Variants in GPD2 observed in about 807,000 individuals in gnomAD.
GPD2 encodes the protein glycerol-3-phosphate dehydrogenase 2, also known as glycerol-3-phosphate dehydrogenase, mitochondrial.
A neutral mutation model predicts 82.4 loss-of-function variants in GPD2; 54 were observed. The observed-to-expected ratio is 0.66, with a 90% CI of 0.53 to 0.82. The LOEUF (loss-of-function observed/expected upper bound fraction) is 0.82. Ranked by LOEUF, GPD2 falls within the 40% of genes least tolerant of loss-of-function variation. The pLI is 0.00. For missense variants in GPD2, 748 were observed against 896.2 expected, an observed-to-expected ratio of 0.83 and a Z score of 2.11; for synonymous variants, 288 against 306.1, an observed-to-expected ratio of 0.94 and a Z score of 0.62.
the GPD2 span, among the ~76,000 whole-genome samples, chr2:156,407,944 A>AT: frequency 0.049 from 2,795 of 56,536 alleles, 494 homozygotes; most frequent in East Asian, 0.08. Context: ...CCATGCTGTA[A>AT]TTTTTTTTTT....
At chr2:156,477,604 A>G (rs1683558535) in intron 2 of GPD2, among the ~76,000 whole-genome samples, 1 of 152,168 alleles carries the variant, frequency 6.6e-6, no homozygotes. Flanking sequence ...CTTTTTCTGC[A>G]TTCTGAACTG....
intron 1 of GPD2, among the ~76,000 whole-genome samples, chr2:156,460,062 A>C (rs1488824366): frequency 6.6e-6 from 1 of 152,226 alleles, no homozygotes; most frequent in African/African-American, 2.4e-5. Context: ...ACAGAGGCTC[A>C]AACTATGGCC....
At chr2:156,580,886 C>A (rs753131601) in intron 16 of GPD2, among the ~76,000 whole-genome samples, 1 of 152,124 alleles carries the variant, frequency 6.6e-6, no homozygotes, top group Non-Finnish European at 1.5e-5. Flanking sequence ...GGAATTAAAA[C>A]ACCATTTAAT....
intron 1 of GPD2, among the ~76,000 whole-genome samples, chr2:156,439,513 GAA>G (rs1187242848): frequency 9.5e-5 from 3 of 31,622 alleles, no homozygotes; most frequent in East Asian, 1.2e-3. Flanking sequence ...GACTGTCTCA[GAA>G]AAAAAAAAAA....
intron 3 of GPD2, among the ~76,000 whole-genome samples, chr2:156,505,763 C>A (rs1380610865): frequency 6.6e-6 from 1 of 152,280 alleles, no homozygotes; most frequent in Non-Finnish European, 1.5e-5. Context: ...TACCTAAGAA[C>A]ACAAAATGCT....
intron 6 of GPD2, among the ~76,000 whole-genome samples, chr2:156,520,433 A>G (rs114222219): frequency 0.012 from 1,837 of 152,266 alleles, 41 homozygotes; most frequent in African/African-American, 0.042. Context: ...TTCCCTAGAA[A>G]TAACTGCTAT....
chr2:156,439,742 A>T (rs1325064233), intron 1 of GPD2, among the ~76,000 whole-genome samples: 1 of 151,374 alleles, frequency 6.6e-6, no homozygotes, highest in African/African-American at 2.4e-5. Flanking sequence ...AGCTACTAGG[A>T]AGGCTGAGGC....
intron 6 of GPD2, among the ~76,000 whole-genome samples, chr2:156,518,293 A>G (rs1685271569): frequency 6.6e-6 from 1 of 152,186 alleles, no homozygotes; most frequent in Non-Finnish European, 1.5e-5. Context: ...GGAGGTAAAA[A>G]TGCACTGAAG....
chr2:156,582,857 C>G lies in GPD2; in HGVS notation c.2123C>G (p.Ala708Gly). ...CGGCTTGCTATACTAATGAAAACTG[C>G]AGAAGAGAACCTCGACAGAAGAGTT... Reference protein sequence around the residue: ...GSRLAILMKTAEENLDRRVPI... With the variant: ...GSRLAILMKTGEENLDRRVPI... Residue 708 changes from alanine (A) to glycine (G), a missense_variant, in exon 17 of 17, where the codon GCA (alanine) becomes GGA (glycine). By Grantham distance (60) the Ala-to-Gly change is moderately conservative (BLOSUM62 0). This residue lies in a region of GPD2 where 46 missense variants were observed against 49.1 expected (regional missense o/e 0.94). Transcript: ENST00000438166. The G allele has an allele frequency of 6.2e-7, 1 of 1,612,828 alleles. No homozygotes were observed. Among genetic ancestry groups the G allele is most frequent in the Non-Finnish European group, 8.5e-7 (1 of 1,179,002 alleles).
Position 156,496,229 on chromosome 2 carries a change from T to C in GPD2, c.274+14T>C, listed in dbSNP as rs932085569. 108 of 1,584,674 alleles carry C rather than the reference T, an allele frequency of 6.8e-5. No homozygotes were observed. The East Asian group carries it at 2.2e-3, about 32-fold the overall frequency. Reference sequence around the variant, plus strand: ...CTGTCACCAGAGGTAAGTCTTTTTTTTTTTTATTTTAATTTTAAGTTCTGG... The same window carrying C: ...CTGTCACCAGAGGTAAGTCTTTTTTCTTTTTATTTTAATTTTAAGTTCTGG... On this transcript the variant is annotated intron_variant, in intron 3 of 16. Coordinates refer to ENST00000438166, the MANE Select transcript of GPD2 (RefSeq NM_000408.5).
intron 5 of GPD2, 129 bp downstream of exon 5, chr2:156,512,446 T>C (rs1264659597): frequency 1.4e-6 from 1 of 701,414 alleles, no homozygotes; most frequent in African/African-American, 1.8e-5. Flanking sequence ...TTTAATCCTT[T>C]TGAAGTATTT....
intron 1 of GPD2, among the ~76,000 whole-genome samples, chr2:156,460,539 C>G (rs930505657): frequency 3.3e-5 from 5 of 152,168 alleles, no homozygotes; most frequent in African/African-American, 9.7e-5. Context: ...CTCTTAACTT[C>G]CTGGCCTGTA....
chr2:156,403,875 G>A, the GPD2 span, among the ~76,000 whole-genome samples: 3 of 152,166 alleles, frequency 2.0e-5, no homozygotes, highest in Non-Finnish European at 4.4e-5. Context: ...AGTCCTTGCC[G>A]AAACTCTCTT....
chr2:156,534,208 C>T (rs1170576325), intron 6 of GPD2, among the ~76,000 whole-genome samples: 2 of 152,026 alleles, frequency 1.3e-5, no homozygotes, highest in African/African-American at 2.4e-5. Flanking sequence ...TGACCATCCA[C>T]AGCCAAACTC....
intron 6 of GPD2, among the ~76,000 whole-genome samples, chr2:156,544,918 G>A (rs973352088): frequency 1.3e-4 from 20 of 152,172 alleles, no homozygotes; most frequent in South Asian, 1.0e-3. Flanking sequence ...CCCTGACCCC[G>A]TCACTCCTCA....
At chr2:156,454,925 G>A (rs1471170805) in intron 1 of GPD2, among the ~76,000 whole-genome samples, 1 of 152,126 alleles carries the variant, frequency 6.6e-6, no homozygotes, top group East Asian at 1.9e-4. Flanking sequence ...GCCAGTTGGA[G>A]TATAAAGGCC....
At chr2:156,448,986 G>A (rs914191978) in intron 1 of GPD2, among the ~76,000 whole-genome samples, 4 of 152,200 alleles carry the variant, frequency 2.6e-5, no homozygotes, top group Admixed American at 6.5e-5. Flanking sequence ...TTCCTTGGCT[G>A]TGGCTGCATC....
intron 15 of GPD2, among the ~76,000 whole-genome samples, 169 bp downstream of exon 15, chr2:156,579,333 T>C (rs1316866164): frequency 1.3e-5 from 2 of 149,142 alleles, no homozygotes; most frequent in Admixed American, 6.7e-5. Context: ...TTCTTTCTTT[T>C]TTTTTTTTTT....
intron 6 of GPD2, among the ~76,000 whole-genome samples, chr2:156,526,681 G>A (rs185528771): frequency 6.6e-6 from 1 of 152,188 alleles, no homozygotes; most frequent in East Asian, 1.9e-4. Context: ...AGAAATGTAA[G>A]CCATGCTTAA....
Sources: gnomAD v4.1 joint callset for allele counts (sites outside exome capture counted in the v4.1 genomes callset) on GRCh38, gnomAD v4.1.1 for gene constraint, gnomAD v4.1.1 regional missense constraint, MANE v1.5 for transcripts, NCBI Gene and HGNC (gene_info 2026-07-23, HGNC 2026-07-21) for gene names.